Variants in TMCO1 observed in about 807,000 individuals in gnomAD.
The protein encoded by TMCO1 is transmembrane and coiled-coil domains 1, also known as calcium load-activated calcium channel.
In TMCO1, 29 loss-of-function variants were observed where a neutral mutation model predicts 29.3. The ratio of observed to expected loss-of-function variants is 0.99; its 90% CI spans 0.74 to 1.35. The LOEUF (loss-of-function observed/expected upper bound fraction) is 1.35, where lower values mean the gene tolerates loss of function less well. Among genes scored for constraint, TMCO1 ranks in the 40% most tolerant of loss-of-function variants. The pLI, the probability that TMCO1 is intolerant of heterozygous loss-of-function variation, is 0.00. For missense variants in TMCO1, 173 were observed against 225.5 expected, an observed-to-expected ratio of 0.77 and a Z score of 1.49; for synonymous variants, 80 against 77.1, an observed-to-expected ratio of 1.04 and a Z score of -0.20.
At chr1:165,738,961 G>A (rs1160285176) in intron 6 of TMCO1, among the ~76,000 whole-genome samples, 1 of 152,118 alleles carries the variant, frequency 6.6e-6, no homozygotes, top group African/African-American at 2.4e-5. Flanking sequence ...GTGTCATGCA[G>A]AGAGAAGGCA....
chr1:165,736,423 A>C (rs1000515968), intron 6 of TMCO1, among the ~76,000 whole-genome samples: 1 of 152,168 alleles, frequency 6.6e-6, no homozygotes. Flanking sequence ...ATATACTGTT[A>C]CTTAAGAGAA....
At chr1:165,732,308 T>C (rs1487942845) in intron 6 of TMCO1, among the ~76,000 whole-genome samples, 1 of 146,088 alleles carries the variant, frequency 6.8e-6, no homozygotes, top group Non-Finnish European at 1.5e-5. Flanking sequence ...CTGATATAAC[T>C]CAAAGTGCAG....
downstream of TMCO1, chr1:165,726,304 T>G (rs1200012891): frequency 2.9e-6 from 2 of 692,046 alleles, no homozygotes; most frequent in Non-Finnish European, 5.3e-6. Flanking sequence ...TCATCTGCTT[T>G]TATTGAGCTC....
chr1:165,756,038 C>T (rs1649719711), intron 3 of TMCO1, among the ~76,000 whole-genome samples: 1 of 128,218 alleles, frequency 7.8e-6, no homozygotes, highest in Non-Finnish European at 1.6e-5. Flanking sequence ...ATTATATGGG[C>T]AGCTTGTTTA....
intron 5 of TMCO1, among the ~76,000 whole-genome samples, chr1:165,750,423 C>G (rs1167740765): frequency 6.6e-6 from 1 of 151,586 alleles, no homozygotes; most frequent in Non-Finnish European, 1.5e-5. Context: ...CACCTGTAAT[C>G]CCAGCTACTC....
intron 5 of TMCO1, among the ~76,000 whole-genome samples, chr1:165,745,210 C>T (rs79377313): frequency 0.014 from 2,004 of 144,474 alleles, 57 homozygotes; most frequent in African/African-American, 0.05. Context: ...TTTTGTAGAG[C>T]TGTGGTCTTC....
chr1:165,727,148 A>C lies in TMCO1; in HGVS notation c.*875T>G, dbSNP rs1558026359. 2.2e-6 allele frequency: 1 copy of C among 454,096 alleles called. No individual in the cohort carries two copies. Among genetic ancestry groups the C allele is most frequent in the South Asian group, 1.6e-5 (1 of 64,474 alleles). The allele number at this position is 454,096 out of a possible 1,614,324, so 28.1% of individuals were successfully genotyped here. A position where few individuals can be genotyped will look rare whatever the true frequency, so the allele number is the denominator to read the frequency against. On this transcript the variant is annotated 3_prime_UTR_variant, in exon 7 of 7. Coordinates refer to ENST00000367881, the MANE Select transcript of TMCO1 (RefSeq NM_019026.6). Reference sequence around the variant, plus strand: ...CAGAAAATGAAGGCTATTGTGACTAAAAGGAAGCTCTGCGAGATTAACAAC... The same window carrying C: ...CAGAAAATGAAGGCTATTGTGACTACAAGGAAGCTCTGCGAGATTAACAAC...
chr1:165,725,421 C>T (rs1402937631), downstream of TMCO1: 1 of 454,052 alleles, frequency 2.2e-6, no homozygotes, highest in Non-Finnish European at 4.4e-6. Context: ...TTTCCAATTT[C>T]CAAACTAGCT....
intron 3 of TMCO1, among the ~76,000 whole-genome samples, chr1:165,758,003 T>C (rs571019912): frequency 6.6e-6 from 1 of 152,046 alleles, no homozygotes; most frequent in East Asian, 1.9e-4. Flanking sequence ...AATGTCTTCA[T>C]TTTCTCACTG....
At chr1:165,758,321 T>G (rs1445800548) in intron 3 of TMCO1, among the ~76,000 whole-genome samples, 1 of 151,946 alleles carries the variant, frequency 6.6e-6, no homozygotes, top group Non-Finnish European at 1.5e-5. Context: ...CTTGGAGAGG[T>G]TGAGGCGGCG....
intron 2 of TMCO1, among the ~76,000 whole-genome samples, chr1:165,762,863 A>T (rs1440652036): frequency 6.6e-6 from 1 of 152,214 alleles, no homozygotes; most frequent in Non-Finnish European, 1.5e-5. Flanking sequence ...GAATCAAGTT[A>T]TATATACTGT....
chr1:165,768,763 G>A lies in TMCO1; in HGVS notation c.-12C>T. 3.7e-6 allele frequency: 6 copies of A among 1,614,088 alleles called. No homozygotes were observed. Among genetic ancestry groups the A allele is most frequent in the Non-Finnish European group, 4.2e-6 (5 of 1,180,018 alleles). ...AACATAGTGCTCATCTCGCACCTTC[G>A]TCTCTGCACTCTCACCCGCCAGGGG... On this transcript the variant is annotated 5_prime_UTR_variant, in exon 1 of 7. In the 5' UTR this introduces an upstream ATG that the reference lacks. Transcript: ENST00000367881.
chr1:165,752,617 AC>A (rs980243448), intron 4 of TMCO1, among the ~76,000 whole-genome samples: 22 of 145,932 alleles, frequency 1.5e-4, no homozygotes, highest in African/African-American at 5.6e-4. Flanking sequence ...ACATGGTGAA[AC>A]CCCATCTCTA....
chr1:165,753,785 T>C (rs1652085421), intron 4 of TMCO1, among the ~76,000 whole-genome samples: 1 of 152,070 alleles, frequency 6.6e-6, no homozygotes. Flanking sequence ...CATTCCAGCA[T>C]GGTTGACAAA....
chr1:165,732,123 G>C (rs1467462331), intron 6 of TMCO1, among the ~76,000 whole-genome samples: 1 of 152,106 alleles, frequency 6.6e-6, no homozygotes, highest in East Asian at 1.9e-4. Context: ...CAAGATGCAA[G>C]AGCCACAGGT....
intron 1 of TMCO1, 92 bp downstream of exon 1, chr1:165,768,590 A>G: frequency 1.2e-6 from 2 of 1,604,586 alleles, no homozygotes; most frequent in Non-Finnish European, 1.7e-6. Flanking sequence ...TCAAGCAAGT[A>G]AGGCTCGCGA....
At chr1:165,734,406 G>A (rs1434051246) in intron 6 of TMCO1, among the ~76,000 whole-genome samples, 1 of 152,054 alleles carries the variant, frequency 6.6e-6, no homozygotes, top group Non-Finnish European at 1.5e-5. Flanking sequence ...TGTCCTTACT[G>A]TTAGAAAAAA....
At chr1:165,745,474 CAAAA>C (rs570579214) in intron 5 of TMCO1, among the ~76,000 whole-genome samples, 6 of 101,308 alleles carry the variant, frequency 5.9e-5, no homozygotes, top group African/African-American at 1.6e-4. Flanking sequence ...CTATCTCTAC[CAAAA>C]AAAAAAAAAA....
chr1:165,765,218 A>C (rs1425993305), intron 2 of TMCO1, among the ~76,000 whole-genome samples: 1 of 152,244 alleles, frequency 6.6e-6, no homozygotes, highest in Non-Finnish European at 1.5e-5. Context: ...AATAAAAGCA[A>C]CAGAAAAAAT....
Sources: allele counts gnomAD v4.1 joint callset (sites outside exome capture counted in the v4.1 genomes callset), GRCh38; gene constraint gnomAD v4.1.1; transcripts MANE v1.5; gene names NCBI Gene and HGNC (gene_info 2026-07-23, HGNC 2026-07-21).